PAPOLG: variants seen among roughly 807,000 people sequenced by gnomAD.
PAPOLG encodes PAP-gamma.
PAPOLG carries 40 observed loss-of-function variants against 99.0 expected under a neutral mutation model. That is an observed-to-expected ratio of 0.40 (90% CI 0.31 to 0.53). PAPOLG has a LOEUF of 0.53. PAPOLG is among the 20% of genes least tolerant of loss of function. PAPOLG has a pLI of 0.41. For missense variants in PAPOLG, 675 were observed against 884.1 expected (o/e 0.76, Z 3.00); for synonymous variants, 310 against 299.3 (o/e 1.04, Z -0.37).
At chr2:60,796,557 G>A (rs182786031) in intron 21 of PAPOLG, among the ~76,000 whole-genome samples, 198 of 152,204 alleles carry the variant, frequency 1.3e-3, no homozygotes, top group Non-Finnish European at 2.1e-3. Flanking sequence ...CAGTTTTCCT[G>A]AGAACTTAAG....
At position 60,799,689 on chromosome 2, in the gene PAPOLG, A is replaced by G. The variant is rs572050787; in HGVS notation, c.*2529A>G. 3.9e-5 allele frequency: 6 copies of G among 152,314 alleles called. No individual in the cohort carries two copies. Among genetic ancestry groups the G allele is most frequent in the South Asian group, 2.1e-4 (1 of 4,830 alleles). The allele number at this position is 152,314 out of a possible 1,614,324, so 9.4% of individuals were successfully genotyped here. On this transcript the variant is annotated 3_prime_UTR_variant, in exon 22 of 22. Coordinates refer to ENST00000238714, the MANE Select transcript of PAPOLG (RefSeq NM_022894.4). ...GCCCAGGCTGGAGTGCAGTAGCCCA[A>G]TCTCGGCTCACTGCAACCTTCACCT...
Position 60,797,347 on chromosome 2 carries a change from C to G in PAPOLG, c.*187C>G. On this transcript the variant is annotated 3_prime_UTR_variant, in exon 22 of 22. Transcript: ENST00000238714. The stretch of plus-strand genomic sequence containing the variant: ...CTGTAGATGCTGTAGCATTCTCTCA[C>G]TGATTGCTACATACACTTCTCTGAG... The G allele has an allele frequency of 4.6e-6, 3 of 647,220 alleles. No individual in the cohort carries two copies. Among genetic ancestry groups the G allele is most frequent in the Non-Finnish European group, 8.0e-6 (3 of 377,202 alleles). The allele number at this position is 647,220 out of a possible 1,614,324, so 40.1% of individuals were successfully genotyped here.
intron 5 of PAPOLG, 108 bp from the exon 6 acceptor site, chr2:60,770,350 A>G (rs185999425): frequency 2.4e-4 from 209 of 877,530 alleles, no homozygotes; most frequent in Non-Finnish European, 2.7e-4. Flanking sequence ...GATTACTTCT[A>G]TGTGGTTAAA....
rs780159004 is a variant in PAPOLG at position 60,768,870 on chromosome 2, G to T, written c.418G>T (p.Asp140Tyr). 2 of 1,594,634 alleles carry T rather than the reference G, an allele frequency of 1.3e-6. No homozygotes were observed. The highest frequency in any genetic ancestry group is 2.7e-5 in the African/African-American group (2 of 74,382). ...TTTTTTTGAAAAATTGAAACATCAAGATGGCATTAGAAACTTAAGAGTAAG... is the reference window on the plus strand; with the variant it reads ...TTTTTTTGAAAAATTGAAACATCAATATGGCATTAGAAACTTAAGAGTAAG... ...QSFFEKLKHQ[D>Y]GIRNLRAVED... Residue 140 changes from aspartate (D) to tyrosine (Y), a missense_variant, in exon 5 of 22, where the codon GAT (aspartate) becomes TAT (tyrosine). Physicochemically the swap from Asp to Tyr is radical, Grantham distance 160 (BLOSUM62 -3). Coordinates refer to ENST00000238714, the MANE Select transcript of PAPOLG (RefSeq NM_022894.4).
chr2:60,791,076 G>A (rs1361271340), intron 15 of PAPOLG, among the ~76,000 whole-genome samples: 1 of 149,972 alleles, frequency 6.7e-6, no homozygotes, highest in Non-Finnish European at 1.5e-5. Context: ...ATGACAGAGC[G>A]AGAGTCTGTG....
intron 1 of PAPOLG, among the ~76,000 whole-genome samples, chr2:60,759,803 G>A (rs745749144): frequency 1.3e-5 from 2 of 152,182 alleles, no homozygotes; most frequent in Non-Finnish European, 2.9e-5. Context: ...TAAGTCTGCA[G>A]GGTAGTGGAG....
Position 60,782,910 on chromosome 2 carries a change from T to C in PAPOLG, c.1112+140T>C, listed in dbSNP as rs1038164515. ...ATAGATTAACAAAAATCCTAAGAGA[T>C]AAGAGTGTTTCTTTATTCTGGTAGT... On this transcript the variant is annotated intron_variant, in intron 12 of 21. Coordinates refer to ENST00000238714, the MANE Select transcript of PAPOLG (RefSeq NM_022894.4). 8 of 1,154,144 alleles carry C rather than the reference T, an allele frequency of 6.9e-6. No individual in the cohort carries two copies. In the African/African-American group the frequency reaches 1.3e-4, roughly 19 times the overall value. The allele number at this position is 1,154,144 out of a possible 1,614,324, so 71.5% of individuals were successfully genotyped here.
At chr2:60,768,370 G>C (rs1670748230) in intron 3 of PAPOLG, 100 bp from the exon 4 acceptor site, 11 of 1,237,628 alleles carry the variant, frequency 8.9e-6, no homozygotes, top group Admixed American at 6.0e-5. Flanking sequence ...CTATAGTGCT[G>C]GGATTACAAG....
chr2:60,776,090 C>G (rs1390541550), intron 8 of PAPOLG, among the ~76,000 whole-genome samples: 1 of 152,128 alleles, frequency 6.6e-6, no homozygotes, highest in Non-Finnish European at 1.5e-5. Context: ...AATGGTAAAA[C>G]AAGAAGATAA....
At position 60,798,752 on chromosome 2, in the gene PAPOLG, T is replaced by C. The variant is rs963038896; in HGVS notation, c.*1592T>C. The C allele has an allele frequency of 1.0e-4, 16 of 152,502 alleles. No homozygotes were observed. The highest frequency in any genetic ancestry group is 3.8e-4 in the African/African-American group (16 of 41,576). The allele number at this position is 152,502 out of a possible 1,614,324, so 9.4% of individuals were successfully genotyped here. A position where few individuals can be genotyped will look rare whatever the true frequency, so the allele number is the denominator to read the frequency against. On this transcript the variant is annotated 3_prime_UTR_variant, in exon 22 of 22. Transcript: ENST00000238714. ...GCCCTTTACCATTGAGTTGAAATTC[T>C]TGAATTGCCAGAGAGCCGTATCCTC...
chr2:60,780,682 A>G (rs779864664), intron 9 of PAPOLG, 25 bp from the exon 10 acceptor site: 2 of 1,611,486 alleles, frequency 1.2e-6, no homozygotes. Context: ...ATCATGTGTA[A>G]GTTAATTTGC....
chr2:60,792,354 C>T (rs1401593710), intron 17 of PAPOLG, 65 bp downstream of exon 17: 2 of 1,385,528 alleles, frequency 1.4e-6, no homozygotes, highest in East Asian at 4.6e-5. Context: ...ATAATGTGAA[C>T]TTTTCTATAC....
chr2:60,778,343 A>AT (rs756566297), intron 8 of PAPOLG, among the ~76,000 whole-genome samples: 1 of 129,132 alleles, frequency 7.7e-6, no homozygotes, highest in Non-Finnish European at 1.7e-5. Flanking sequence ...ATTTTATTTT[A>AT]TTTATTTATT....
chr2:60,774,331 C>T (rs1439040534), intron 7 of PAPOLG, among the ~76,000 whole-genome samples: 3 of 151,444 alleles, frequency 2.0e-5, no homozygotes, highest in Non-Finnish European at 4.4e-5. Context: ...CTCACAGATT[C>T]CCAGGGGTAC....
In PAPOLG at chr2:60,768,456, T is replaced by C; in HGVS notation, c.247-14T>C. On this transcript the variant is annotated splice_polypyrimidine_tract_variant and intron_variant, in intron 3 of 21. Transcript: ENST00000238714. ...TTTGAATAATTGAATGTCTTCCGCT[T>C]AATTTTATTTTAGAACCTCCCACCT... 4 of 1,611,658 alleles carry C rather than the reference T, an allele frequency of 2.5e-6. No individual in the cohort carries two copies. Among genetic ancestry groups the C allele is most frequent in the Non-Finnish European group, 1.7e-6 (2 of 1,179,092 alleles).
intron 7 of PAPOLG, among the ~76,000 whole-genome samples, chr2:60,773,437 A>G (rs1283083355): frequency 6.6e-6 from 1 of 152,120 alleles, no homozygotes; most frequent in Non-Finnish European, 1.5e-5. Context: ...TTAATTTGGC[A>G]TGTTTGTGAG....
chr2:60,774,996 T>C, intron 7 of PAPOLG, 38 bp from the exon 8 acceptor site: 1 of 1,610,268 alleles, frequency 6.2e-7, no homozygotes, highest in Non-Finnish European at 8.5e-7. Flanking sequence ...ACTGAGAATT[T>C]GCTGCATAGT....
intron 1 of PAPOLG, among the ~76,000 whole-genome samples, chr2:60,758,024 C>G (rs1417911858): frequency 6.6e-6 from 1 of 152,170 alleles, no homozygotes; most frequent in Non-Finnish European, 1.5e-5. Context: ...CAGATTCTGG[C>G]TTGTCCTCTC....
At chr2:60,789,952 G>A (rs574888086) in intron 15 of PAPOLG, among the ~76,000 whole-genome samples, 6 of 152,334 alleles carry the variant, frequency 3.9e-5, no homozygotes, top group African/African-American at 1.4e-4. Context: ...AAATTAGCCA[G>A]GTGTGGTGGC....
Sources: gnomAD v4.1 joint callset for allele counts (sites outside exome capture counted in the v4.1 genomes callset) on GRCh38, gnomAD v4.1.1 for gene constraint, MANE v1.5 for transcripts, NCBI Gene and HGNC (gene_info 2026-07-23, HGNC 2026-07-21) for gene names.